Variants in ARHGEF16 observed in about 807,000 individuals in gnomAD.
ARHGEF16 encodes the protein Rho guanine nucleotide exchange factor 16, also known as Rho guanine exchange factor (GEF) 16.
ARHGEF16 carries 59 observed loss-of-function variants against 74.1 expected under a neutral mutation model. That is an observed-to-expected ratio of 0.80 (90% CI 0.65 to 0.99). ARHGEF16 has a LOEUF of 0.99. Ranked by LOEUF, ARHGEF16 falls within the 50% of genes least tolerant of loss-of-function variation. The pLI is 0.00. For synonymous variants in ARHGEF16, 415 were observed against 412.6 expected, an observed-to-expected ratio of 1.01 and a Z score of -0.07; for missense variants, 948 against 986.6, an observed-to-expected ratio of 0.96 and a Z score of 0.52.
Position 3,480,991 on chromosome 1 carries a change from A to G in ARHGEF16, c.*404A>G, listed in dbSNP as rs1640043824. On this transcript the variant is annotated 3_prime_UTR_variant, in exon 15 of 15. Transcript: ENST00000378378. ...GCCCTTCCTACCCCTGAGTGGGACA[A>G]GAAGGGCCCTGAGTGCCCAGGAGTG... 1 of 193,880 alleles carries G rather than the reference A, an allele frequency of 5.2e-6. No individual in the cohort carries two copies. Among genetic ancestry groups the G allele is most frequent in the Admixed American group, 5.8e-5 (1 of 17,382 alleles). The allele number at this position is 193,880 out of a possible 1,614,324, so 12.0% of individuals were successfully genotyped here.
At position 3,459,524 on chromosome 1, in the gene ARHGEF16, G is replaced by A. The variant is rs370544165; in HGVS notation, c.-19-3542G>A. 2.9e-4 allele frequency among the ~76,000 whole-genome samples: 44 copies of A among 152,294 alleles called. 1 individual carries two copies. In the South Asian group the frequency reaches 8.5e-3, roughly 29 times the overall value. ...GATGTCCTTCAGGGCAATGAGGGCC[G>A]GGAGCAGGTGAGAGGGGCCCCGGAA... On this transcript the variant is annotated intron_variant, in intron 1 of 14. Transcript: ENST00000378378.
At chr1:3,476,180 A>C in intron 10 of ARHGEF16, 118 bp downstream of exon 10, 1 of 1,101,494 alleles carries the variant, frequency 9.1e-7, no homozygotes, top group Non-Finnish European at 1.3e-6. Context: ...GCCTGCCCTC[A>C]TGAGGCCTGG....
Position 3,458,337 on chromosome 1 carries a change from G to A in ARHGEF16, c.-20+3526G>A, listed in dbSNP as rs140993191. Among the ~76,000 whole-genome samples, 497 of 152,322 alleles carry A rather than the reference G, an allele frequency of 3.3e-3. 5 individuals carry two copies. The highest frequency in any genetic ancestry group is 6.8e-3 in the Middle Eastern group (2 of 294). ...TTGCTGGGGAGCAGATCTGCCACTG[G>A]CCCACGTGGCTGCTGCAGGAAATCT... On this transcript the variant is annotated intron_variant, in intron 1 of 14. Coordinates refer to ENST00000378378, the MANE Select transcript of ARHGEF16 (RefSeq NM_014448.4).
intron 8 of ARHGEF16, chr1:3,474,350 TGC>T: frequency 3.4e-6 from 1 of 297,794 alleles, no homozygotes; most frequent in African/African-American, 2.1e-5. Context: ...ATGGCAGGGT[TGC>T]CCAAGCCAAA....
chr1:3,457,602 G>A (rs1027451583), intron 1 of ARHGEF16, among the ~76,000 whole-genome samples: 6 of 152,226 alleles, frequency 3.9e-5, no homozygotes, highest in African/African-American at 1.2e-4. Flanking sequence ...GGGCTACAGA[G>A]CGGCCCACCC....
Position 3,467,276 on chromosome 1 carries a change from A to C in ARHGEF16, c.743A>C (p.Asp248Ala). 1 of 1,550,416 alleles carries C rather than the reference A, an allele frequency of 6.4e-7. No homozygotes were observed. The highest frequency in any genetic ancestry group is 1.4e-5 in the African/African-American group (1 of 73,168). The change falls in exon 4 of 15, where the codon GAC becomes GCC. Residue 248 changes from aspartate (D) to alanine (A), a missense_variant. Coordinates refer to ENST00000378378, the MANE Select transcript of ARHGEF16 (RefSeq NM_014448.4). ...AGCCCCGAGGGAACCCAGAAGGTGG[A>C]CGCCACCATTGTGGTCAAGAGCTAC... ...SSSPEGTQKVDATIVVKSYRP... is the reference protein window; with the variant it reads ...SSSPEGTQKVAATIVVKSYRP...
In ARHGEF16 at chr1:3,478,543, C is replaced by T. The variant is rs1329512104; in HGVS notation, c.1745C>T (p.Pro582Leu). The T allele has an allele frequency of 1.2e-6, 2 of 1,612,656 alleles. No individual in the cohort carries two copies. Among genetic ancestry groups the T allele is most frequent in the Admixed American group, 1.7e-5 (1 of 60,024 alleles). Reference protein sequence around the residue: ...GGNRSSSVPHPFQVTLLRNSE... With the variant: ...GGNRSSSVPHLFQVTLLRNSE... ...AACCGTAGCTCCTCCGTGCCCCACCCCTTCCAGGTGACCCTGCTTCGCAAC... is the reference window on the plus strand; with the variant it reads ...AACCGTAGCTCCTCCGTGCCCCACCTCTTCCAGGTGACCCTGCTTCGCAAC... Residue 582 changes from proline to leucine, a missense_variant, in exon 12 of 15, where the codon CCC (proline) becomes CTC (leucine). Coordinates refer to ENST00000378378, the MANE Select transcript of ARHGEF16 (RefSeq NM_014448.4).
In ARHGEF16 at chr1:3,477,843, C is replaced by G. The variant is rs201173029; in HGVS notation, c.1474-32C>G. The G allele has an allele frequency of 7.4e-4, 1,193 of 1,610,392 alleles. 12 individuals carry two copies. In the Middle Eastern group the frequency reaches 0.012, roughly 16 times the overall value. On this transcript the variant is annotated intron_variant, in intron 10 of 14. Transcript: ENST00000378378. Reference sequence around the variant, plus strand: ...GCTCTGTCCCCCCCAGTCCCTCGCACTGATCTCCGCCTCCCGGCTCTGTCC... The same window carrying G: ...GCTCTGTCCCCCCCAGTCCCTCGCAGTGATCTCCGCCTCCCGGCTCTGTCC...
chr1:3,469,473 A>G lies in ARHGEF16; in HGVS notation c.902A>G (p.His301Arg). The change falls in exon 6 of 15, where the codon CAC (histidine) becomes CGC (arginine). Residue 301 changes from histidine (H) to arginine (R), a missense_variant. Coordinates refer to ENST00000378378, the MANE Select transcript of ARHGEF16 (RefSeq NM_014448.4). ...CTCACGTCGGAGTTCTCCTACCAGC[A>G]CAGCCTGAGCATCCTGGTGGAGGAG... The part of the protein sequence containing the change: ...EILTSEFSYQ[H>R]SLSILVEEFL... 1 of 1,613,082 alleles carries G rather than the reference A, an allele frequency of 6.2e-7. No individual in the cohort carries two copies.
rs1363618315 is a variant in ARHGEF16, at chr1:3,479,821, A to G, written c.1898A>G (p.Gln633Arg). ...QGLSSKGDLP[Q>R]VEITKAFFAK... ...CCACTGCCCTATGCAGACCTGCCCC[A>G]GGTGGAGATCACCAAGGCCTTCTTC... The change falls in exon 14 of 15, where the codon CAG becomes CGG. Residue 633 changes from glutamine (Q) to arginine (R), a missense_variant. Gln to Arg is a conservative substitution (Grantham distance 43). Coordinates refer to ENST00000378378, the MANE Select transcript of ARHGEF16 (RefSeq NM_014448.4). 1 of 1,612,044 alleles carries G rather than the reference A, an allele frequency of 6.2e-7. No individual in the cohort carries two copies. The highest frequency in any genetic ancestry group is 8.5e-7 in the Non-Finnish European group (1 of 1,179,868).
rs547639596 is a variant in ARHGEF16 at position 3,463,169 on chromosome 1, G to C, written c.85G>C (p.Gly29Arg). 3 of 1,521,608 alleles carry C rather than the reference G, an allele frequency of 2.0e-6. No homozygotes were observed. The South Asian group carries it at 3.7e-5, about 19-fold the overall frequency. The allele number at this position is 1,521,608 out of a possible 1,614,324, so 94.3% of individuals were successfully genotyped here. A position where few individuals can be genotyped will look rare whatever the true frequency, so the allele number is the denominator to read the frequency against. The stretch of plus-strand genomic sequence containing the variant: ...CTCGGAGCTCCGGCTCGATGCCGGG[G>C]GGAACCCAGCCTCCGGGCTCCCAAT... ...FHSELRLDAG[G>R]NPASGLPMVR... The change falls in exon 2 of 15, where the codon GGG (glycine) becomes CGG (arginine). Residue 29 changes from glycine to arginine, a missense_variant. Transcript: ENST00000378378.
Position 3,478,026 on chromosome 1 carries a change from G to A in ARHGEF16, c.1625G>A (p.Ser542Asn). The A allele has an allele frequency of 6.2e-7, 1 of 1,612,700 alleles. No homozygotes were observed. Among genetic ancestry groups the A allele is most frequent in the Middle Eastern group, 1.7e-4 (1 of 6,058 alleles). Residue 542 changes from serine to asparagine, a missense_variant and splice_region_variant, in exon 11 of 15, where the codon AGC (serine) becomes AAC (asparagine). Physicochemically the swap from Ser to Asn is conservative, Grantham distance 46. Coordinates refer to ENST00000378378, the MANE Select transcript of ARHGEF16 (RefSeq NM_014448.4). ...NDVLVVTKKK[S>N]EESYMVQDYA... ...GTCCTGGTTGTGACCAAGAAGAAGA[G>A]GTGGCCTTAGGGCAGGAGGGTGTGG...
chr1:3,459,798 C>A (rs1390566939), intron 1 of ARHGEF16, among the ~76,000 whole-genome samples: 7 of 152,174 alleles, frequency 4.6e-5, no homozygotes, highest in Admixed American at 6.5e-5. Context: ...GGGCTCAGCG[C>A]CTTCTGCCGG....
At position 3,478,508 on chromosome 1, in the gene ARHGEF16, CG is replaced by C. The variant is rs765908487; in HGVS notation, c.1715del (p.Gly572AlafsTer14). On this transcript the variant is annotated frameshift_variant, in exon 12 of 15. Transcript: ENST00000378378. LOFTEE classifies it high-confidence loss of function. ...TAGAGCCGTCTGAGCTCCCTCTGCC[CG>C]GGGGCGGCAACCGTAGCTCCTCCGT... ...KIEPSELPLP[G>X]GGNRSSSVPH... 1.6e-5 allele frequency: 25 copies of C among 1,612,494 alleles called. No individual in the cohort carries two copies. In the South Asian group the frequency reaches 2.6e-4, roughly 17 times the overall value.
intron 1 of ARHGEF16, among the ~76,000 whole-genome samples, chr1:3,456,597 C>A (rs1639271562): frequency 6.6e-6 from 1 of 152,232 alleles, no homozygotes; most frequent in Non-Finnish European, 1.5e-5. Context: ...GGTTTCCTTA[C>A]CTGCCCGGGA....
At chr1:3,460,183 C>T (rs996103471) in intron 1 of ARHGEF16, among the ~76,000 whole-genome samples, 1 of 152,206 alleles carries the variant, frequency 6.6e-6, no homozygotes, top group Non-Finnish European at 1.5e-5. Flanking sequence ...GCGGCTGCCT[C>T]GCTGGGAGCG....
intron 13 of ARHGEF16, 107 bp from the exon 14 acceptor site, chr1:3,479,705 G>T: frequency 1.3e-6 from 2 of 1,558,574 alleles, no homozygotes; most frequent in East Asian, 2.3e-5. Context: ...TGGCAGTCGG[G>T]GGATGGGGTG....
intron 1 of ARHGEF16, among the ~76,000 whole-genome samples, chr1:3,455,225 G>A (rs1205094563): frequency 1.3e-5 from 2 of 152,176 alleles, no homozygotes; most frequent in Non-Finnish European, 2.9e-5. Flanking sequence ...ATGGGGTGGG[G>A]GGCGGAACAG....
chr1:3,472,485 C>T (rs1639754956), intron 6 of ARHGEF16, among the ~76,000 whole-genome samples: 1 of 152,220 alleles, frequency 6.6e-6, no homozygotes, highest in Admixed American at 6.5e-5. Flanking sequence ...GGTGGGGGAC[C>T]TAGTGAAAGT....
Sources: gnomAD v4.1 joint callset for allele counts (sites outside exome capture counted in the v4.1 genomes callset) on GRCh38, gnomAD v4.1.1 for gene constraint, MANE v1.5 for transcripts, NCBI Gene and HGNC (gene_info 2026-07-23, HGNC 2026-07-21) for gene names.